Variants in TXNDC12 observed in about 807,000 individuals in gnomAD.
The protein encoded by TXNDC12 is thioredoxin domain containing 12.
Under a neutral mutation model 24.2 loss-of-function variants are expected in TXNDC12, and 22 were observed. The observed-to-expected ratio is 0.91, with a 90% confidence interval of 0.65 to 1.30. The LOEUF (loss-of-function observed/expected upper bound fraction) is 1.30, where lower values mean the gene tolerates loss of function less well. Among genes scored for constraint, TXNDC12 ranks in the 50% most tolerant of loss-of-function variants. The pLI is 0.00. For missense variants in TXNDC12, 184 were observed against 205.8 expected, an observed-to-expected ratio of 0.89 and a Z score of 0.65; for synonymous variants, 58 against 73.4, an observed-to-expected ratio of 0.79 and a Z score of 1.07.
chr1:52,053,637 C>G (rs1686263626), intron 1 of TXNDC12, among the ~76,000 whole-genome samples: 1 of 152,072 alleles, frequency 6.6e-6, no homozygotes, highest in South Asian at 2.1e-4. Context: ...GGACTCCAGC[C>G]CGAGCAACAG....
At chr1:52,024,085 C>T (rs140660510) in intron 5 of TXNDC12, among the ~76,000 whole-genome samples, 1 of 151,834 alleles carries the variant, frequency 6.6e-6, no homozygotes, top group African/African-American at 2.4e-5. Context: ...GCCTTGACCT[C>T]CCAGGCTCAA....
In TXNDC12 at chr1:52,023,413, T is replaced by G. The variant is rs1571996864; in HGVS notation, c.439+78A>C. ...GCTCAGCTAACATGCTGAATTTACT[T>G]TCCTATCACAGACCTTGCATGTGGT... is the stretch of plus-strand genomic sequence containing the variant. On this transcript the variant is annotated intron_variant, in intron 6 of 6. Coordinates refer to ENST00000371626, the MANE Select transcript of TXNDC12 (RefSeq NM_015913.4). The G allele has an allele frequency of 4.2e-6, 5 of 1,190,464 alleles. No individual in the cohort carries two copies. The East Asian group carries it at 1.2e-4, about 28-fold the overall frequency. 73.7% of individuals were successfully genotyped at this position (1,190,464 alleles called of 1,614,324 possible). A position where few individuals can be genotyped will look rare whatever the true frequency, so the allele number is the denominator to read the frequency against.
chr1:52,044,966 C>T (rs1291116019), intron 1 of TXNDC12, among the ~76,000 whole-genome samples: 1 of 149,824 alleles, frequency 6.7e-6, no homozygotes, highest in South Asian at 2.1e-4. Context: ...CAGAGCAAGA[C>T]TCTGTCTCAA....
At chr1:52,049,094 A>T (rs1686152157) in intron 1 of TXNDC12, among the ~76,000 whole-genome samples, 1 of 152,162 alleles carries the variant, frequency 6.6e-6, no homozygotes, top group South Asian at 2.1e-4. Context: ...ACTTTTATTT[A>T]ACTTTAATAA....
chr1:52,020,743 G>A lies in TXNDC12; in HGVS notation c.*190C>T, dbSNP rs911415685. The A allele has an allele frequency of 9.3e-6, 5 of 535,202 alleles. No homozygotes were observed. Among genetic ancestry groups the A allele is most frequent in the African/African-American group, 5.7e-5 (3 of 52,274 alleles). The allele number at this position is 535,202 out of a possible 1,614,324, so 33.2% of individuals were successfully genotyped here. On this transcript the variant is annotated 3_prime_UTR_variant, in exon 7 of 7. Coordinates refer to ENST00000371626, the MANE Select transcript of TXNDC12 (RefSeq NM_015913.4). Reference sequence around the variant, plus strand: ...AGGAGAAGAAAGTCTGCCACTCTCCGCTGGATCCACAAACATGCAGACCAG... The same window carrying A: ...AGGAGAAGAAAGTCTGCCACTCTCCACTGGATCCACAAACATGCAGACCAG...
chr1:52,031,213 G>T (rs963650462), intron 2 of TXNDC12, among the ~76,000 whole-genome samples: 2 of 149,130 alleles, frequency 1.3e-5, no homozygotes, highest in African/African-American at 5.0e-5. Flanking sequence ...AGGCTGGAGT[G>T]CAGTGGCGCG....
intron 1 of TXNDC12, among the ~76,000 whole-genome samples, chr1:52,042,713 C>G (rs1159825754): frequency 6.6e-6 from 1 of 152,168 alleles, no homozygotes; most frequent in Non-Finnish European, 1.5e-5. Context: ...ACCTCCACCT[C>G]CTGGGTTCAA....
At chr1:52,032,876 C>T in intron 2 of TXNDC12, 1 of 1,614,014 alleles carries the variant, frequency 6.2e-7, no homozygotes, top group Non-Finnish European at 8.5e-7. Flanking sequence ...GTGAGCAAGT[C>T]CCCGGGGACA....
In TXNDC12 at chr1:52,054,996, T is replaced by A; in HGVS notation, c.97+4A>T. ...GTAAAGAGAAGATAAGAACGCGGTC[T>A]GACCCTTTCCAAGCCCATTATGTCC... On this transcript the variant is annotated splice_donor_region_variant and intron_variant, in intron 1 of 6. Transcript: ENST00000371626. The A allele has an allele frequency of 6.2e-7, 1 of 1,610,294 alleles. No homozygotes were observed. The highest frequency in any genetic ancestry group is 1.1e-5 in the South Asian group (1 of 90,984).
At chr1:52,024,709 T>C in intron 4 of TXNDC12, 130 bp from the exon 5 acceptor site, 1 of 665,032 alleles carries the variant, frequency 1.5e-6, no homozygotes. Context: ...CTACATGATC[T>C]ATCACCTAGG....
chr1:52,034,359 C>A (rs773910072), intron 2 of TXNDC12, among the ~76,000 whole-genome samples: 1 of 152,116 alleles, frequency 6.6e-6, no homozygotes, highest in Non-Finnish European at 1.5e-5. Context: ...AAACAAACTA[C>A]CCAGAGAAAT....
intron 2 of TXNDC12, among the ~76,000 whole-genome samples, chr1:52,028,907 G>T (rs2809919): frequency 2.6e-5 from 4 of 152,160 alleles, no homozygotes; most frequent in African/African-American, 9.7e-5. Context: ...GTGGGCAGAT[G>T]ACTTGAGGCC....
intron 2 of TXNDC12, chr1:52,032,118 G>T (rs932149638): frequency 2.8e-5 from 27 of 956,628 alleles, no homozygotes; most frequent in African/African-American, 5.3e-5. Context: ...TATTTTAAAA[G>T]ATTTTATTAG....
At chr1:52,032,058 G>A (rs907899022) in intron 2 of TXNDC12, 1 of 839,444 alleles carries the variant, frequency 1.2e-6, no homozygotes, top group Non-Finnish European at 1.4e-6. Context: ...TACCTAAAAT[G>A]TTACATGAAG....
At chr1:52,045,748 TTCG>T (rs373012110) in intron 1 of TXNDC12, among the ~76,000 whole-genome samples, 128 of 152,290 alleles carry the variant, frequency 8.4e-4, no homozygotes, top group Non-Finnish European at 1.4e-3. Flanking sequence ...TCAATATTGG[TTCG>T]TCAATTGTAA....
At chr1:52,047,589 T>C (rs1047412855) in intron 1 of TXNDC12, among the ~76,000 whole-genome samples, 2 of 151,934 alleles carry the variant, frequency 1.3e-5, no homozygotes, top group Non-Finnish European at 1.5e-5. Flanking sequence ...TAATGCCCGA[T>C]TTGTAGAGTT....
At chr1:52,049,477 T>C (rs1488744533) in intron 1 of TXNDC12, among the ~76,000 whole-genome samples, 3 of 151,970 alleles carry the variant, frequency 2.0e-5, no homozygotes. Flanking sequence ...TCCCAACTAC[T>C]TGGGAGGCTG....
At chr1:52,041,725 C>A in intron 1 of TXNDC12, 128 bp from the exon 2 acceptor site, 1 of 561,294 alleles carries the variant, frequency 1.8e-6, no homozygotes, top group East Asian at 3.0e-5. Context: ...GTGTTCAAGT[C>A]CCAGCTCCAC....
chr1:52,022,139 A>G (rs1024375131), intron 6 of TXNDC12, among the ~76,000 whole-genome samples: 3 of 152,198 alleles, frequency 2.0e-5, no homozygotes, highest in Non-Finnish European at 4.4e-5. Flanking sequence ...AATAGCTTCT[A>G]CAGATCTCCT....
Sources: allele counts gnomAD v4.1 joint callset (sites outside exome capture counted in the v4.1 genomes callset), GRCh38; gene constraint gnomAD v4.1.1; transcripts MANE v1.5; gene names NCBI Gene and HGNC (gene_info 2026-07-23, HGNC 2026-07-21).